The following KLHL6 variants were observed in gnomAD, a reference collection of about 807,000 sequenced individuals.
The protein encoded by KLHL6 is kelch like family member 6, also known as kelch-like protein 6.
KLHL6 carries 41 observed loss-of-function variants against 58.6 expected under a neutral mutation model. The observed-to-expected ratio is 0.70, with a 90% CI of 0.55 to 0.91. The LOEUF (loss-of-function observed/expected upper bound fraction) is 0.91, where lower values mean the gene tolerates loss of function less well. Among genes scored for constraint, KLHL6 ranks in the 40% least tolerant of loss-of-function variants. KLHL6 has a pLI of 0.00. For synonymous variants in KLHL6, 338 were observed against 322.7 expected (o/e 1.05, Z -0.51); for missense variants, 714 against 805.6 (o/e 0.89, Z 1.38).
chr3:183,504,922 T>G (rs773659436), intron 3 of KLHL6, among the ~76,000 whole-genome samples: 10 of 152,224 alleles, frequency 6.6e-5, no homozygotes, highest in Non-Finnish European at 1.3e-4. Context: ...GTGTACTCAA[T>G]GTTTAGCTCT....
intron 1 of KLHL6, among the ~76,000 whole-genome samples, chr3:183,554,985 AG>A (rs1238067452): frequency 1.3e-5 from 2 of 152,054 alleles, no homozygotes; most frequent in African/African-American, 4.8e-5. Context: ...ACCAACATGG[AG>A]AAACCCCATC....
In KLHL6 at chr3:183,542,502, C is replaced by T. The variant is rs1376623780; in HGVS notation, c.293+12859G>A. 3.3e-5 allele frequency among the ~76,000 whole-genome samples: 5 copies of T among 152,132 alleles called. No individual in the cohort carries two copies. The South Asian group carries it at 8.3e-4, about 25-fold the overall frequency. ...CTCTTCTCCTTTCTCCCCTCTGGCCCCTTCTGGCCAATGCCTACTCATCCT... is the reference window on the plus strand; with the variant it reads ...CTCTTCTCCTTTCTCCCCTCTGGCCTCTTCTGGCCAATGCCTACTCATCCT... On this transcript the variant is annotated intron_variant, in intron 1 of 6. Transcript: ENST00000341319.
chr3:183,487,651 C>A lies in KLHL6; in HGVS notation c.*4276G>T, dbSNP rs1286921944. On this transcript the variant is annotated 3_prime_UTR_variant, in exon 7 of 7. Coordinates refer to ENST00000341319, the MANE Select transcript of KLHL6 (RefSeq NM_130446.4). Reference sequence around the variant, plus strand: ...TAGTTTGATCACTTAAAACATACAACTTTATGTAACCAAAATGCTTAAAGG... The same window carrying A: ...TAGTTTGATCACTTAAAACATACAAATTTATGTAACCAAAATGCTTAAAGG... The A allele has an allele frequency of 6.6e-6, 1 of 152,058 alleles. No individual in the cohort carries two copies. Among genetic ancestry groups the A allele is most frequent in the African/African-American group, 2.4e-5 (1 of 41,392 alleles). The allele number at this position is 152,058 out of a possible 1,614,324, so 9.4% of individuals were successfully genotyped here.
At chr3:183,503,010 A>G (rs879800858) in intron 3 of KLHL6, among the ~76,000 whole-genome samples, 4 of 152,230 alleles carry the variant, frequency 2.6e-5, no homozygotes, top group Non-Finnish European at 4.4e-5. Flanking sequence ...TTGGCAAAAT[A>G]CTAACCCCAA....
chr3:183,501,120 T>C (rs543384813), intron 3 of KLHL6, among the ~76,000 whole-genome samples: 14 of 152,190 alleles, frequency 9.2e-5, no homozygotes, highest in Admixed American at 8.5e-4. Context: ...AGAGTGGGGA[T>C]GGGTGTGGCT....
Position 183,508,386 on chromosome 3 carries a change from C to G in KLHL6, c.582G>C (p.Gln194His). Residue 194 changes from glutamine (Q) to histidine (H), a missense_variant, in exon 3 of 7, where the codon CAG becomes CAC. This residue lies in a region of KLHL6 where 510 missense variants were observed against 629.7 expected (regional missense o/e 0.81). Transcript: ENST00000341319. ...HSLDSLKKQV[Q>H]SYIIQNFVQI... Reference sequence around the variant, plus strand: ...GCACAAAGTTTTGAATGATGTAACTCTGAACCTGCTTCTTTAGACTGTCCA... The same window carrying G: ...GCACAAAGTTTTGAATGATGTAACTGTGAACCTGCTTCTTTAGACTGTCCA... The G allele has an allele frequency of 6.2e-7, 1 of 1,614,246 alleles. No homozygotes were observed. Among genetic ancestry groups the G allele is most frequent in the Non-Finnish European group, 8.5e-7 (1 of 1,180,042 alleles).
chr3:183,542,504 T>A (rs1421359318), intron 1 of KLHL6, among the ~76,000 whole-genome samples: 4 of 152,168 alleles, frequency 2.6e-5, no homozygotes, highest in Admixed American at 2.6e-4. Context: ...CTCTGGCCCC[T>A]TCTGGCCAAT....
intron 1 of KLHL6, among the ~76,000 whole-genome samples, chr3:183,551,444 C>T (rs148316549): frequency 0.013 from 2,000 of 151,912 alleles, 37 homozygotes; most frequent in African/African-American, 0.046. Flanking sequence ...CAAAACAAAG[C>T]AAATGAAAAA....
In KLHL6 at chr3:183,492,283, C is replaced by T. The variant is rs556324567; in HGVS notation, c.1565-55G>A. 19 of 1,463,722 alleles carry T rather than the reference C, an allele frequency of 1.3e-5. No homozygotes were observed. In the African/African-American group the frequency reaches 2.4e-4, roughly 18 times the overall value. 90.7% of individuals were successfully genotyped at this position (1,463,722 alleles called of 1,614,324 possible). On this transcript the variant is annotated intron_variant, in intron 6 of 6. Transcript: ENST00000341319. This position sits in a 1 kb window ranked among gnomAD's most constrained non-coding sequence, Gnocchi z 5.9. ...TCGCTCCATTTTTCTGGTTTCTTCC[C>T]TCTTAACCACTAAAATTCAACTTCT...
intron 1 of KLHL6, among the ~76,000 whole-genome samples, chr3:183,533,150 C>T (rs75388498): frequency 0.013 from 1,933 of 152,234 alleles, 28 homozygotes; most frequent in African/African-American, 0.044. Context: ...TAATTCCAAA[C>T]GCTCGGACTT....
intron 1 of KLHL6, among the ~76,000 whole-genome samples, chr3:183,544,086 C>G (rs376310757): frequency 1.2e-3 from 175 of 147,836 alleles, no homozygotes; most frequent in African/African-American, 4.0e-3. Flanking sequence ...TCGCTTGAAC[C>G]TGGGAGGTAG....
intron 3 of KLHL6, among the ~76,000 whole-genome samples, chr3:183,502,027 C>T (rs1026862147): frequency 6.6e-6 from 1 of 152,114 alleles, no homozygotes; most frequent in African/African-American, 2.4e-5. Flanking sequence ...CAGTGGCTCA[C>T]GCCTGCAATC....
chr3:183,536,628 A>G (rs999551631), intron 1 of KLHL6, among the ~76,000 whole-genome samples: 1 of 152,228 alleles, frequency 6.6e-6, no homozygotes, highest in Non-Finnish European at 1.5e-5. Context: ...GCACAGAAGA[A>G]TAAGCAAGAT....
Position 183,494,067 on chromosome 3 carries a change from C to G in KLHL6, c.1350+12G>C. The stretch of plus-strand genomic sequence containing the variant: ...AATACAGGCAGTTACTGGTAGAAAT[C>G]GTGTCCTATACCTCTGACCAGCAGT... On this transcript the variant is annotated intron_variant, in intron 5 of 6. Coordinates refer to ENST00000341319, the MANE Select transcript of KLHL6 (RefSeq NM_130446.4). 1 of 1,610,338 alleles carries G rather than the reference C, an allele frequency of 6.2e-7. No individual in the cohort carries two copies. The highest frequency in any genetic ancestry group is 2.2e-5 in the East Asian group (1 of 44,858).
intron 3 of KLHL6, among the ~76,000 whole-genome samples, chr3:183,504,291 C>T (rs979105468): frequency 6.6e-6 from 1 of 152,092 alleles, no homozygotes; most frequent in African/African-American, 2.4e-5. Flanking sequence ...GTATTATTAC[C>T]CCCATGTTAC....
intron 1 of KLHL6, among the ~76,000 whole-genome samples, chr3:183,538,437 C>CT (rs1241882582): frequency 1.3e-5 from 2 of 152,304 alleles, no homozygotes; most frequent in South Asian, 4.1e-4. Flanking sequence ...CACCATTCCC[C>CT]GTTTATACCA....
intron 1 of KLHL6, among the ~76,000 whole-genome samples, chr3:183,553,989 AAAG>A (rs1713021929): frequency 1.3e-5 from 2 of 151,954 alleles, no homozygotes; most frequent in Admixed American, 6.6e-5. Context: ...AAAAAAAAAA[AAAG>A]AAAGAAAGAA....
At chr3:183,527,358 C>T (rs548072148) in intron 2 of KLHL6, among the ~76,000 whole-genome samples, 3 of 152,238 alleles carry the variant, frequency 2.0e-5, no homozygotes, top group South Asian at 2.1e-4. Flanking sequence ...ACATACATTA[C>T]AAAAGATTAT....
chr3:183,497,081 C>G (rs944927250), intron 4 of KLHL6, among the ~76,000 whole-genome samples: 9 of 152,070 alleles, frequency 5.9e-5, no homozygotes, highest in African/African-American at 1.9e-4. Flanking sequence ...GAGTTTGAGA[C>G]CAGCCTGTCA....
Sources: gnomAD v4.1 joint callset for allele counts (sites outside exome capture counted in the v4.1 genomes callset) on GRCh38, gnomAD v4.1.1 for gene constraint, gnomAD v4.1.1 regional missense constraint, Gnocchi (gnomAD v3.1) non-coding constraint, MANE v1.5 for transcripts, NCBI Gene and HGNC (gene_info 2026-07-23, HGNC 2026-07-21) for gene names.